AHCY: variants seen among roughly 807,000 people sequenced by gnomAD.
The protein encoded by AHCY is S-adenosyl-L-homocysteine hydrolase.
AHCY carries 24 observed loss-of-function variants against 45.4 expected under a neutral mutation model. The ratio of observed to expected loss-of-function variants is 0.53; its 90% CI spans 0.38 to 0.74. The LOEUF (loss-of-function observed/expected upper bound fraction) is 0.74, where lower values mean the gene tolerates loss of function less well. AHCY is among the 30% of genes least tolerant of loss of function. The probability of loss-of-function intolerance (pLI) is 0.00; values close to 1 mark genes in which losing one functional copy is unlikely to be tolerated. For synonymous variants in AHCY, 245 were observed against 235.1 expected, an observed-to-expected ratio of 1.04 and a Z score of -0.39; for missense variants, 449 against 594.1, an observed-to-expected ratio of 0.76 and a Z score of 2.54.
chr20:34,285,409 C>A, intron 9 of AHCY, 31 bp downstream of exon 9: 1 of 1,612,558 alleles, frequency 6.2e-7, no homozygotes, highest in Non-Finnish European at 8.5e-7. Flanking sequence ...AGACACGTGA[C>A]CCTTGGCTTG....
intron 1 of AHCY, among the ~76,000 whole-genome samples, chr20:34,309,989 G>A (rs941171240): frequency 6.6e-6 from 1 of 151,888 alleles, no homozygotes; most frequent in Non-Finnish European, 1.5e-5. Flanking sequence ...GAGGTGGAGG[G>A]GTGCCTTCTT....
At chr20:34,235,301 GAGGTGGC>G in the AHCY span, among the ~76,000 whole-genome samples, 5 of 152,154 alleles carry the variant, frequency 3.3e-5, no homozygotes, top group Admixed American at 1.3e-4. Flanking sequence ...TTAGCCAGGC[GAGGTGGC>G]AGGCACCTGT....
At chr20:34,246,029 T>G in the AHCY span, 1 of 971,128 alleles carries the variant, frequency 1.0e-6, no homozygotes, top group Non-Finnish European at 1.7e-6. Flanking sequence ...ACATGAATTA[T>G]GTCATCTGTA....
chr20:34,261,531 G>T, the AHCY span, among the ~76,000 whole-genome samples: 1 of 152,200 alleles, frequency 6.6e-6, no homozygotes, highest in Non-Finnish European at 1.5e-5. Flanking sequence ...CTACTTGGGA[G>T]GCTGAGGCAG....
the AHCY span, among the ~76,000 whole-genome samples, chr20:34,270,188 G>A: frequency 1.3e-5 from 2 of 151,646 alleles, no homozygotes; most frequent in South Asian, 2.1e-4. Flanking sequence ...GGAGTTGGAG[G>A]CTGCAGTGAG....
At position 34,294,116 on chromosome 20, in the gene AHCY, T is replaced by G; in HGVS notation, c.260A>C (p.His87Pro). 1 of 1,613,938 alleles carries G rather than the reference T, an allele frequency of 6.2e-7. No individual in the cohort carries two copies. Among genetic ancestry groups the G allele is most frequent in the South Asian group, 1.1e-5 (1 of 91,072 alleles). Residue 87 changes from histidine (H) to proline (P), a missense_variant, in exon 3 of 10, where the codon CAT (histidine) becomes CCT (proline). By Grantham distance (77) the His-to-Pro change is moderately conservative. Coordinates refer to ENST00000217426, the MANE Select transcript of AHCY (RefSeq NM_000687.4). ...SSCNIFSTQD[H>P]AAAAIAKAGI... ...AGCCTTGGCAATGGCAGCCGCCGCA[T>G]GGTCCTGGGTGGAGAAGATGTTGCA...
the AHCY span, among the ~76,000 whole-genome samples, chr20:34,232,296 A>G: frequency 6.6e-6 from 1 of 152,236 alleles, no homozygotes. Flanking sequence ...ATACTCTATA[A>G]GATGAGGAGG....
At chr20:34,252,526 G>A in the AHCY span, among the ~76,000 whole-genome samples, 1 of 152,140 alleles carries the variant, frequency 6.6e-6, no homozygotes. Flanking sequence ...CTAGCCACAG[G>A]GCGGTTTTCT....
At chr20:34,255,369 G>A in the AHCY span, among the ~76,000 whole-genome samples, 1 of 151,748 alleles carries the variant, frequency 6.6e-6, no homozygotes, top group African/African-American at 2.4e-5. Flanking sequence ...ACAGCTCACT[G>A]GAGCCTCAAC....
chr20:34,269,304 T>G, the AHCY span: 1 of 1,122,866 alleles, frequency 8.9e-7, no homozygotes, highest in Non-Finnish European at 1.2e-6. Flanking sequence ...CAGGGAGACC[T>G]GGCTTGGGCT....
chr20:34,287,193 A>G (rs1053087012), intron 8 of AHCY, among the ~76,000 whole-genome samples: 3 of 152,118 alleles, frequency 2.0e-5, no homozygotes, highest in Non-Finnish European at 4.4e-5. Flanking sequence ...GCTTCAATCA[A>G]TAAGCACTCA....
At chr20:34,297,251 G>A (rs2036604367) in intron 1 of AHCY, among the ~76,000 whole-genome samples, 2 of 151,794 alleles carry the variant, frequency 1.3e-5, no homozygotes, top group Admixed American at 6.6e-5. Flanking sequence ...CCCAGCAGGA[G>A]GACAATCACA....
At chr20:34,258,818 T>C in the AHCY span, among the ~76,000 whole-genome samples, 1 of 119,366 alleles carries the variant, frequency 8.4e-6, no homozygotes, top group South Asian at 2.3e-4. Context: ...ATATATATAA[T>C]ACTATATATA....
chr20:34,281,177 C>A lies in AHCY; in HGVS notation c.1168-12G>T. On this transcript the variant is annotated splice_polypyrimidine_tract_variant and intron_variant, in intron 9 of 9. Coordinates refer to ENST00000217426, the MANE Select transcript of AHCY (RefSeq NM_000687.4). ...ACTGCCTCATCCAGCTGGGGAGAAA[C>A]AAAGGAAGACCGGGAATCAGTGCCA... 3 of 1,612,504 alleles carry A rather than the reference C, an allele frequency of 1.9e-6. No homozygotes were observed. The highest frequency in any genetic ancestry group is 2.5e-6 in the Non-Finnish European group (3 of 1,179,928).
At chr20:34,272,342 T>A in the AHCY span, among the ~76,000 whole-genome samples, 1 of 152,128 alleles carries the variant, frequency 6.6e-6, no homozygotes, top group East Asian at 1.9e-4. Context: ...GAGAGGGGAT[T>A]TCCCCCCACC....
At chr20:34,295,150 C>A (rs1199584922) in intron 2 of AHCY, 2 of 613,088 alleles carry the variant, frequency 3.3e-6, no homozygotes, top group Non-Finnish European at 2.9e-6. Context: ...CCAGAGCATC[C>A]ATCAGGAGGA....
chr20:34,249,567 G>A, the AHCY span, among the ~76,000 whole-genome samples: 2 of 152,108 alleles, frequency 1.3e-5, no homozygotes, highest in African/African-American at 2.4e-5. Flanking sequence ...ACCAGGCCTC[G>A]TGCTTAAAGG....
downstream of AHCY, among the ~76,000 whole-genome samples, chr20:34,275,830 C>A (rs1022811379): frequency 6.6e-6 from 1 of 151,984 alleles, no homozygotes; most frequent in African/African-American, 2.4e-5. Flanking sequence ...GCGTGCATCA[C>A]CATGCCCGGC....
chr20:34,259,811 C>G, the AHCY span, among the ~76,000 whole-genome samples: 1 of 151,984 alleles, frequency 6.6e-6, no homozygotes, highest in Admixed American at 6.6e-5. Flanking sequence ...CCTATGTCAA[C>G]AGCTCCATCC....
Sources: allele counts gnomAD v4.1 joint callset (sites outside exome capture counted in the v4.1 genomes callset), GRCh38; gene constraint gnomAD v4.1.1; transcripts MANE v1.5; gene names NCBI Gene and HGNC (gene_info 2026-07-23, HGNC 2026-07-21).